The following PIP5K1B variants were observed in gnomAD, a reference collection of about 807,000 sequenced individuals.
The protein encoded by PIP5K1B is phosphatidylinositol-4-phosphate 5-kinase type 1 beta.
In PIP5K1B, 42 loss-of-function variants were observed where a neutral mutation model predicts 67.0. The ratio of observed to expected loss-of-function variants is 0.63; its 90% CI spans 0.49 to 0.81. The LOEUF is 0.81. Ranked by LOEUF, PIP5K1B falls within the 30% of genes least tolerant of loss-of-function variation. The pLI is 0.00. For missense variants in PIP5K1B, 459 were observed against 646.3 expected, an observed-to-expected ratio of 0.71 and a Z score of 3.14; for synonymous variants, 214 against 231.4, an observed-to-expected ratio of 0.92 and a Z score of 0.68.
At position 68,846,380 on chromosome 9, in the gene PIP5K1B, G is replaced by A. The variant is rs149587764; in HGVS notation, c.70-17457G>A. Among the ~76,000 whole-genome samples, 721 of 152,190 alleles carry A rather than the reference G, an allele frequency of 4.7e-3. 2 individuals carry two copies. The highest frequency in any genetic ancestry group is 6.0e-3 in the Non-Finnish European group (407 of 67,998). On this transcript the variant is annotated intron_variant, in intron 4 of 15. Transcript: ENST00000265382. Reference sequence around the variant, plus strand: ...TAAAATAACTCAATTATTAAAGGAGGGATGTCTTCACCCCCACTCTTTCAG... The same window carrying A: ...TAAAATAACTCAATTATTAAAGGAGAGATGTCTTCACCCCCACTCTTTCAG...
Position 68,919,667 on chromosome 9 carries a change from C to A in PIP5K1B, c.1068-14C>A. The A allele has an allele frequency of 6.6e-7, 1 of 1,510,532 alleles. No homozygotes were observed. Among genetic ancestry groups the A allele is most frequent in the Non-Finnish European group, 9.2e-7 (1 of 1,090,098 alleles). The allele number at this position is 1,510,532 out of a possible 1,614,324, so 93.6% of individuals were successfully genotyped here. ...ATTTTACATTCTCATTTCAATTTTT[C>A]CATTTATATTTAGGTTAATGAAGAA... On this transcript the variant is annotated splice_polypyrimidine_tract_variant and intron_variant, in intron 10 of 15. Transcript: ENST00000265382.
chr9:68,800,921 A>T (rs1832563680), intron 2 of PIP5K1B, among the ~76,000 whole-genome samples: 1 of 152,204 alleles, frequency 6.6e-6, no homozygotes, highest in Non-Finnish European at 1.5e-5. Context: ...TACTTTGAGC[A>T]GTTGTCTCCC....
intron 6 of PIP5K1B, 47 bp downstream of exon 6, chr9:68,876,841 A>G (rs762967032): frequency 1.1e-6 from 1 of 950,136 alleles, no homozygotes; most frequent in African/African-American, 1.6e-5. Context: ...GTGTGATGTA[A>G]ACATTTGTCT....
intron 2 of PIP5K1B, among the ~76,000 whole-genome samples, chr9:68,790,574 A>C (rs1210050379): frequency 2.0e-5 from 3 of 151,088 alleles, no homozygotes; most frequent in Non-Finnish European, 4.4e-5. Flanking sequence ...TTGTGTATGT[A>C]CACCCAAACG....
intron 6 of PIP5K1B, among the ~76,000 whole-genome samples, chr9:68,886,009 A>G (rs895457578): frequency 1.8e-4 from 28 of 152,018 alleles, no homozygotes; most frequent in Non-Finnish European, 2.4e-4. Context: ...GTGAAACCCC[A>G]TCTCTACTAA....
intron 4 of PIP5K1B, among the ~76,000 whole-genome samples, chr9:68,830,359 C>G (rs1834244461): frequency 6.6e-6 from 1 of 152,072 alleles, no homozygotes; most frequent in Admixed American, 6.5e-5. Context: ...TGCAAGTCTG[C>G]CTTTATGAGT....
At chr9:68,911,685 G>A (rs1351237916) in intron 8 of PIP5K1B, among the ~76,000 whole-genome samples, 2 of 151,848 alleles carry the variant, frequency 1.3e-5, no homozygotes, top group African/African-American at 2.4e-5. Context: ...GAGCCCAGGA[G>A]TTCAAGACCA....
intron 2 of PIP5K1B, among the ~76,000 whole-genome samples, chr9:68,745,700 CTG>C (rs1042808072): frequency 2.6e-5 from 4 of 152,208 alleles, no homozygotes; most frequent in African/African-American, 9.7e-5. Context: ...TGCTCCCACT[CTG>C]TGTTGCCAGC....
chr9:68,847,450 T>C (rs1822253479), intron 4 of PIP5K1B, among the ~76,000 whole-genome samples: 1 of 149,918 alleles, frequency 6.7e-6, no homozygotes. Flanking sequence ...TGTGTGTGTG[T>C]GTGTGTGTGT....
At chr9:68,764,664 T>C (rs1289348307) in intron 2 of PIP5K1B, among the ~76,000 whole-genome samples, 4 of 152,104 alleles carry the variant, frequency 2.6e-5, no homozygotes, top group Non-Finnish European at 4.4e-5. Context: ...CATTGTAAGC[T>C]CAGACAAATT....
At chr9:68,904,159 G>A (rs1218974567) in intron 8 of PIP5K1B, among the ~76,000 whole-genome samples, 2 of 152,168 alleles carry the variant, frequency 1.3e-5, no homozygotes, top group Non-Finnish European at 2.9e-5. Context: ...TTTATACCCA[G>A]GTCTCTCTGA....
At chr9:68,935,237 TG>T (rs1827192894) in intron 13 of PIP5K1B, among the ~76,000 whole-genome samples, 192 bp downstream of exon 13, 1 of 152,026 alleles carries the variant, frequency 6.6e-6, no homozygotes, top group South Asian at 2.1e-4. Context: ...GAGGCCTAGG[TG>T]GGTGGATCAC....
chr9:68,831,971 A>C (rs1834348780), intron 4 of PIP5K1B, among the ~76,000 whole-genome samples: 1 of 152,184 alleles, frequency 6.6e-6, no homozygotes, highest in Non-Finnish European at 1.5e-5. Flanking sequence ...GCCACGCCCC[A>C]ACTAGAATTT....
chr9:68,770,727 G>C (rs996481217), intron 2 of PIP5K1B, among the ~76,000 whole-genome samples: 1 of 152,166 alleles, frequency 6.6e-6, no homozygotes, highest in African/African-American at 2.4e-5. Context: ...AATGCCTAAT[G>C]ATCTGAAGTA....
chr9:68,768,459 A>G (rs1459335510), intron 2 of PIP5K1B, among the ~76,000 whole-genome samples: 1 of 152,210 alleles, frequency 6.6e-6, no homozygotes, highest in Non-Finnish European at 1.5e-5. Context: ...TTTATGGAGC[A>G]GTGATCATCA....
chr9:68,836,312 T>C lies in PIP5K1B; in HGVS notation c.69+13629T>C, dbSNP rs117782944. On this transcript the variant is annotated intron_variant, in intron 4 of 15. Coordinates refer to ENST00000265382, the MANE Select transcript of PIP5K1B (RefSeq NM_003558.4). ...ACCCAGTGTTCTTTGGAATATTTGA[T>C]TTGGATATAACTTTAAGATTACAAA... Among the ~76,000 whole-genome samples, 941 of 152,342 alleles carry C rather than the reference T, an allele frequency of 6.2e-3. 6 individuals are homozygous for C. Among genetic ancestry groups the C allele is most frequent in the Non-Finnish European group, 9.6e-3 (650 of 68,030 alleles).
intron 2 of PIP5K1B, chr9:68,789,255 G>A: frequency 4.5e-6 from 2 of 447,584 alleles, no homozygotes; most frequent in Admixed American, 5.6e-5. Flanking sequence ...GATAGTGGGA[G>A]GCTTTATCTT....
chr9:68,722,956 CT>C (rs1348589395), intron 1 of PIP5K1B, among the ~76,000 whole-genome samples: 2 of 152,212 alleles, frequency 1.3e-5, no homozygotes, highest in African/African-American at 2.4e-5. Context: ...CTCGTCTCCC[CT>C]ACCCTTCACA....
chr9:68,988,443 G>GTT (rs1564296336), intron 14 of PIP5K1B, among the ~76,000 whole-genome samples: 2 of 119,058 alleles, frequency 1.7e-5, no homozygotes, highest in African/African-American at 6.5e-5. Flanking sequence ...GTTTTTTTGG[G>GTT]GTTTTTTTTT....
Sources: allele counts gnomAD v4.1 joint callset (sites outside exome capture counted in the v4.1 genomes callset), GRCh38; gene constraint gnomAD v4.1.1; transcripts MANE v1.5; gene names NCBI Gene and HGNC (gene_info 2026-07-23, HGNC 2026-07-21).